Variants in COMMD1 observed in about 807,000 individuals in gnomAD.
COMMD1 encodes the protein COMM domain-containing protein 1.
A neutral mutation model predicts 17.2 loss-of-function variants in COMMD1; 10 were observed. The observed-to-expected ratio is 0.58, with a 90% CI of 0.36 to 0.99. The LOEUF is 0.99. COMMD1 is among the 50% of genes least tolerant of loss of function. COMMD1 has a pLI of 0.01. For synonymous variants in COMMD1, 97 were observed against 91.6 expected (o/e 1.06, Z -0.34); for missense variants, 270 against 231.8 (o/e 1.17, Z -1.07).
chr2:61,977,241 CTTTTTTTT>C (rs1160361696), intron 1 of COMMD1, among the ~76,000 whole-genome samples: 1 of 88,810 alleles, frequency 1.1e-5, no homozygotes, highest in Non-Finnish European at 2.2e-5. Context: ...ATAAAGTTTG[CTTTTTTTT>C]TTTTTTTTTT....
At chr2:61,896,299 A>G (rs1036667399) in intron 1 of COMMD1, among the ~76,000 whole-genome samples, 2 of 152,156 alleles carry the variant, frequency 1.3e-5, no homozygotes, top group Admixed American at 6.5e-5. Flanking sequence ...TAAGAACTCA[A>G]ATCTGGCTGG....
intron 2 of COMMD1, among the ~76,000 whole-genome samples, chr2:62,104,031 G>C (rs571053088): frequency 6.6e-6 from 1 of 152,076 alleles, no homozygotes; most frequent in Non-Finnish European, 1.5e-5. Flanking sequence ...TGTATAGTCA[G>C]GGTCTCACTT....
chr2:62,006,450 G>A (rs908929655), intron 2 of COMMD1, among the ~76,000 whole-genome samples: 2 of 152,070 alleles, frequency 1.3e-5, no homozygotes, highest in African/African-American at 2.4e-5. Flanking sequence ...GAGGAAGCCA[G>A]AGTAATAGAA....
rs533588177 is a variant in COMMD1, at chr2:61,973,012, T to G, written c.181-27689T>G. Among the ~76,000 whole-genome samples, 321 of 152,272 alleles carry G rather than the reference T, an allele frequency of 2.1e-3. 2 individuals are homozygous for G. Among genetic ancestry groups the G allele is most frequent in the African/African-American group, 7.0e-3 (289 of 41,554 alleles). On this transcript the variant is annotated intron_variant, in intron 1 of 2. Transcript: ENST00000311832. ...TAAGTAGTATACTTATATGAAATACTACTTTATATATTTGTCTGCAATTTG... is the reference window on the plus strand; with the variant it reads ...TAAGTAGTATACTTATATGAAATACGACTTTATATATTTGTCTGCAATTTG...
At position 62,011,496 on chromosome 2, in the gene COMMD1, A is replaced by G. The variant is rs375858146; in HGVS notation, c.462+10514A>G. The stretch of plus-strand genomic sequence containing the variant: ...GTGCTCCAGATTAGCATTTAAGAGG[A>G]CAAAGATTTTTTTTTTTTAATTGCT... On this transcript the variant is annotated intron_variant, in intron 2 of 2. Transcript: ENST00000311832. Among the ~76,000 whole-genome samples the G allele has an allele frequency of 2.0e-5, 3 of 152,208 alleles. No homozygotes were observed. In the East Asian group the frequency reaches 5.8e-4, roughly 29 times the overall value.
At chr2:62,103,896 AGTG>A (rs1258444050) in intron 2 of COMMD1, among the ~76,000 whole-genome samples, 1 of 152,010 alleles carries the variant, frequency 6.6e-6, no homozygotes, top group Non-Finnish European at 1.5e-5. Flanking sequence ...GCTGGAGTGC[AGTG>A]GCATGATCTC....
At chr2:61,906,398 A>G (rs1669772957) in intron 1 of COMMD1, among the ~76,000 whole-genome samples, 1 of 152,286 alleles carries the variant, frequency 6.6e-6, no homozygotes, top group South Asian at 2.1e-4. Flanking sequence ...TTAATATTTT[A>G]GTAATATATC....
At chr2:61,948,594 C>G (rs962338710) in intron 1 of COMMD1, among the ~76,000 whole-genome samples, 1 of 152,174 alleles carries the variant, frequency 6.6e-6, no homozygotes, top group African/African-American at 2.4e-5. Flanking sequence ...TACAGTGATA[C>G]AGAATTCACT....
At chr2:62,125,760 T>C (rs1289977654) in intron 2 of COMMD1, among the ~76,000 whole-genome samples, 2 of 152,188 alleles carry the variant, frequency 1.3e-5, no homozygotes, top group Non-Finnish European at 2.9e-5. Context: ...GCAAATTCTC[T>C]CTTTTTTTTA....
chr2:62,126,925 A>T (rs561442900), intron 2 of COMMD1, among the ~76,000 whole-genome samples: 1 of 152,318 alleles, frequency 6.6e-6, no homozygotes, highest in Non-Finnish European at 1.5e-5. Flanking sequence ...ATAGGAAGAG[A>T]GGAAGTCAAA....
chr2:61,895,260 G>C (rs999433567), intron 1 of COMMD1, among the ~76,000 whole-genome samples: 2 of 152,164 alleles, frequency 1.3e-5, no homozygotes, highest in Admixed American at 1.3e-4. Context: ...TAGCTTTTCA[G>C]CTGTCCACAG....
At chr2:62,003,506 A>T (rs1339577204) in intron 2 of COMMD1, among the ~76,000 whole-genome samples, 2 of 151,034 alleles carry the variant, frequency 1.3e-5, no homozygotes, top group Non-Finnish European at 2.9e-5. Flanking sequence ...GTGCCACCGC[A>T]CTCCAGCCTG....
At chr2:62,061,245 T>C (rs905172231) in intron 2 of COMMD1, among the ~76,000 whole-genome samples, 1 of 152,224 alleles carries the variant, frequency 6.6e-6, no homozygotes, top group Non-Finnish European at 1.5e-5. Flanking sequence ...TGTTTATTCA[T>C]ATAGCTAATA....
intron 2 of COMMD1, among the ~76,000 whole-genome samples, chr2:62,115,863 T>TC (rs531012387): frequency 2.8e-5 from 4 of 145,334 alleles, no homozygotes; most frequent in South Asian, 4.4e-4. Context: ...TTTCTTTCTT[T>TC]TTTTTTTTTT....
At chr2:61,916,469 T>C (rs1206023134) in intron 1 of COMMD1, among the ~76,000 whole-genome samples, 1 of 152,204 alleles carries the variant, frequency 6.6e-6, no homozygotes, top group African/African-American at 2.4e-5. Context: ...TTGACCAGGC[T>C]GGAGTGCAAT....
chr2:62,066,962 G>T (rs1021968738), intron 2 of COMMD1, among the ~76,000 whole-genome samples: 1 of 151,956 alleles, frequency 6.6e-6, no homozygotes, highest in Admixed American at 6.6e-5. Flanking sequence ...CTGGTCTCAT[G>T]TGATCTGCCC....
chr2:62,032,397 G>C (rs1302736127), intron 2 of COMMD1, among the ~76,000 whole-genome samples: 3 of 152,170 alleles, frequency 2.0e-5, no homozygotes, highest in Admixed American at 6.5e-5. Flanking sequence ...TTAGCCAAGC[G>C]TGGTGGCATG....
intron 2 of COMMD1, among the ~76,000 whole-genome samples, chr2:62,128,921 C>T (rs946294283): frequency 5.1e-4 from 77 of 150,448 alleles, no homozygotes; most frequent in African/African-American, 1.9e-3. Context: ...CACTGCACTC[C>T]AGCCTGGGCA....
At chr2:62,010,035 TATA>T (rs1356627167) in intron 2 of COMMD1, among the ~76,000 whole-genome samples, 14 of 152,322 alleles carry the variant, frequency 9.2e-5, no homozygotes, top group Admixed American at 6.5e-4. Flanking sequence ...ACATAAGGAT[TATA>T]ATAAGTGATA....
Sources: allele counts gnomAD v4.1 joint callset (sites outside exome capture counted in the v4.1 genomes callset), GRCh38; gene constraint gnomAD v4.1.1; transcripts MANE v1.5; gene names NCBI Gene and HGNC (gene_info 2026-07-23, HGNC 2026-07-21).